Variants in SV2C observed in about 807,000 individuals in gnomAD.
SV2C encodes solute carrier family 22 member B3.
SV2C carries 49 observed loss-of-function variants against 79.7 expected under a neutral mutation model. The ratio of observed to expected loss-of-function variants is 0.61; its 90% CI spans 0.49 to 0.78. SV2C has a LOEUF of 0.78. SV2C is among the 30% of genes least tolerant of loss of function. The pLI is 0.00. For synonymous variants in SV2C, 334 were observed against 333.2 expected (o/e 1.00, Z -0.03); for missense variants, 833 against 912.9 (o/e 0.91, Z 1.13).
the SV2C span, among the ~76,000 whole-genome samples, chr5:76,030,289 T>TTTTTATTTATTTATTTA: frequency 5.1e-5 from 6 of 117,874 alleles, no homozygotes; most frequent in African/African-American, 2.3e-4. Flanking sequence ...TTTTTTTTTT[T>TTTTTATTTATTTATTTA]TTTATTTATT....
chr5:76,230,501 G>A (rs77836220), intron 4 of SV2C, among the ~76,000 whole-genome samples: 17,875 of 152,130 alleles, frequency 0.12, 3,047 homozygotes, highest in African/African-American at 0.38. Context: ...TAAGATTTAT[G>A]AAGAACAAAT....
chr5:76,232,536 T>G (rs558409168), intron 4 of SV2C, among the ~76,000 whole-genome samples: 2 of 150,906 alleles, frequency 1.3e-5, no homozygotes, highest in Non-Finnish European at 2.9e-5. Context: ...TGAATGGTAA[T>G]GCCTAGGTTT....
intron 4 of SV2C, among the ~76,000 whole-genome samples, chr5:76,262,788 C>G (rs1326851252): frequency 6.6e-6 from 1 of 152,198 alleles, no homozygotes; most frequent in African/African-American, 2.4e-5. Flanking sequence ...GCACTGTGGT[C>G]TGAGAGACTG....
rs565302053 is a variant in SV2C at position 76,103,714 on chromosome 5, T to A, written c.-102+20202T>A. 2.0e-5 allele frequency among the ~76,000 whole-genome samples: 3 copies of A among 152,354 alleles called. No individual in the cohort carries two copies. The East Asian group carries it at 5.8e-4, about 29-fold the overall frequency. ...GCACCTAGACTGTTTGTATGCATTA[T>A]CTTATTTAAACCTCACAGTTCTAGG... On this transcript the variant is annotated intron_variant, in intron 1 of 12. Transcript: ENST00000502798.
At chr5:75,994,878 G>C in the SV2C span, among the ~76,000 whole-genome samples, 4 of 152,114 alleles carry the variant, frequency 2.6e-5, no homozygotes, top group Non-Finnish European at 5.9e-5. Flanking sequence ...TGAGAACGAG[G>C]GGGCCATTGG....
At chr5:76,281,697 A>C (rs1747201434) in intron 4 of SV2C, among the ~76,000 whole-genome samples, 1 of 152,152 alleles carries the variant, frequency 6.6e-6, no homozygotes. Context: ...AGCCACCTGC[A>C]TTCCCTAGTT....
At chr5:76,038,658 T>C in the SV2C span, among the ~76,000 whole-genome samples, 1 of 152,228 alleles carries the variant, frequency 6.6e-6, no homozygotes, top group Non-Finnish European at 1.5e-5. Context: ...TCTTAAAGCA[T>C]AATTGAACTT....
At chr5:75,941,944 T>G in the SV2C span, among the ~76,000 whole-genome samples, 1 of 152,238 alleles carries the variant, frequency 6.6e-6, no homozygotes, top group African/African-American at 2.4e-5. Flanking sequence ...TCTGAACAGA[T>G]AGGCTTTGGT....
At chr5:76,246,317 G>C (rs1193667753) in intron 4 of SV2C, among the ~76,000 whole-genome samples, 1 of 152,168 alleles carries the variant, frequency 6.6e-6, no homozygotes, top group African/African-American at 2.4e-5. Flanking sequence ...CAAGTTAAAA[G>C]TTCTCAGTAT....
At position 76,131,968 on chromosome 5, in the gene SV2C, A is replaced by G. The variant is rs1748908331; in HGVS notation, c.218A>G (p.Glu73Gly). 2 of 1,613,902 alleles carry G rather than the reference A, an allele frequency of 1.2e-6. No individual in the cohort carries two copies. Among genetic ancestry groups the G allele is most frequent in the South Asian group, 1.1e-5 (1 of 91,034 alleles). ...ETYNGEANDD[E>G]GSSEATEGHD... ...TATAATGGTGAGGCCAACGATGACG[A>G]AGGCTCAAGTGAAGCCACTGAGGGG... The change falls in exon 2 of 13, where the codon GAA becomes GGA. Residue 73 changes from glutamate (E) to glycine (G), a missense_variant. Coordinates refer to ENST00000502798, the MANE Select transcript of SV2C (RefSeq NM_014979.4).
the SV2C span, among the ~76,000 whole-genome samples, chr5:76,036,814 C>T: frequency 6.6e-6 from 1 of 152,206 alleles, no homozygotes; most frequent in African/African-American, 2.4e-5. Flanking sequence ...TGGGGAAGTT[C>T]TCCTGCATAA....
At chr5:76,161,751 T>TTAGA (rs568406639) in intron 2 of SV2C, among the ~76,000 whole-genome samples, 251 of 152,312 alleles carry the variant, frequency 1.6e-3, no homozygotes, top group African/African-American at 5.2e-3. Flanking sequence ...AATGGATGAA[T>TTAGA]TAGTACATGA....
intron 1 of SV2C, chr5:76,084,259 G>C (rs1747097778): frequency 6.6e-6 from 1 of 152,312 alleles, no homozygotes; most frequent in Non-Finnish European, 1.5e-5. Context: ...AAGCAGACCC[G>C]AGGCTGTGAA....
At chr5:75,978,212 C>T in the SV2C span, among the ~76,000 whole-genome samples, 1 of 152,150 alleles carries the variant, frequency 6.6e-6, no homozygotes, top group African/African-American at 2.4e-5. Flanking sequence ...TGGCTGCTCC[C>T]AATTTTTGAG....
the SV2C span, among the ~76,000 whole-genome samples, chr5:75,906,454 TC>T: frequency 6.6e-5 from 10 of 150,984 alleles, no homozygotes; most frequent in African/African-American, 2.2e-4. Flanking sequence ...TTTTTCCTAA[TC>T]ATGGACATTT....
the SV2C span, among the ~76,000 whole-genome samples, chr5:76,001,837 G>A: frequency 6.6e-6 from 1 of 152,088 alleles, no homozygotes; most frequent in African/African-American, 2.4e-5. Flanking sequence ...GGAAACAGGT[G>A]GTGTTCAGTT....
chr5:75,917,127 C>T, the SV2C span, among the ~76,000 whole-genome samples: 1 of 152,210 alleles, frequency 6.6e-6, no homozygotes, highest in Non-Finnish European at 1.5e-5. Flanking sequence ...CTGGGATCAC[C>T]TCCCAGTGAA....
At chr5:75,857,049 C>T in the SV2C span, among the ~76,000 whole-genome samples, 75 of 151,308 alleles carry the variant, frequency 5.0e-4, 1 homozygote, top group South Asian at 0.015. Flanking sequence ...CTCTGCCTCC[C>T]GGATTCAAGC....
chr5:75,898,449 G>A, the SV2C span, among the ~76,000 whole-genome samples: 2 of 152,186 alleles, frequency 1.3e-5, no homozygotes, highest in Non-Finnish European at 2.9e-5. Flanking sequence ...GCTTTTCGAT[G>A]TGCTGCTGGA....
Sources: allele counts gnomAD v4.1 joint callset (sites outside exome capture counted in the v4.1 genomes callset), GRCh38; gene constraint gnomAD v4.1.1; transcripts MANE v1.5; gene names NCBI Gene and HGNC (gene_info 2026-07-23, HGNC 2026-07-21).